The following BEND6 variants were observed in gnomAD, a reference collection of about 807,000 sequenced individuals.
BEND6 encodes the protein BEN domain containing 6, also known as BEN domain-containing protein 6.
BEND6 carries 24 observed loss-of-function variants against 31.8 expected under a neutral mutation model. The ratio of observed to expected loss-of-function variants is 0.75; its 90% CI spans 0.55 to 1.06. The LOEUF is 1.06. Among genes scored for constraint, BEND6 ranks in the 50% least tolerant of loss-of-function variants. The pLI, the probability that BEND6 is intolerant of heterozygous loss-of-function variation, is 0.00. For synonymous variants in BEND6, 109 were observed against 114.6 expected, an observed-to-expected ratio of 0.95 and a Z score of 0.31; for missense variants, 294 against 327.4, an observed-to-expected ratio of 0.90 and a Z score of 0.79.
intron 1 of BEND6, among the ~76,000 whole-genome samples, chr6:56,978,902 C>G (rs1825977628): frequency 6.6e-6 from 1 of 152,126 alleles, no homozygotes; most frequent in Non-Finnish European, 1.5e-5. Context: ...AAATTATATA[C>G]AAGACAAGCA....
At chr6:56,963,552 A>G (rs1206300086) in intron 1 of BEND6, among the ~76,000 whole-genome samples, 1 of 152,144 alleles carries the variant, frequency 6.6e-6, no homozygotes, top group Non-Finnish European at 1.5e-5. Context: ...GCTCCATGGG[A>G]GACCACCTGG....
intron 2 of BEND6, among the ~76,000 whole-genome samples, chr6:56,991,114 T>C (rs1387516994): frequency 6.6e-6 from 1 of 152,146 alleles, no homozygotes; most frequent in South Asian, 2.1e-4. Context: ...ATTGAAAAAA[T>C]TGCAAACATT....
chr6:57,003,512 G>GCAA (rs371966915), intron 3 of BEND6, among the ~76,000 whole-genome samples: 8,705 of 146,604 alleles, frequency 0.059, 387 homozygotes, highest in African/African-American at 0.13. Context: ...AAAACAAACA[G>GCAA]CAACAACAAC....
chr6:56,974,052 C>G (rs1490484566), intron 1 of BEND6, among the ~76,000 whole-genome samples: 2 of 152,208 alleles, frequency 1.3e-5, no homozygotes, highest in African/African-American at 4.8e-5. Flanking sequence ...TGCACCCGGC[C>G]TAAACTTACA....
rs530404372 is a variant in BEND6 at position 56,963,302 on chromosome 6, C to G, written c.-101+7842C>G. The stretch of plus-strand genomic sequence containing the variant: ...CCAACCCGACACTCCAGCAGAACGT[C>G]AGATGTTTCCTTGTACACAAGAGAT... On this transcript the variant is annotated intron_variant, in intron 1 of 6. Coordinates refer to ENST00000370746, the MANE Select transcript of BEND6 (RefSeq NM_152731.3). Among the ~76,000 whole-genome samples the G allele has an allele frequency of 2.9e-3, 443 of 152,220 alleles. 2 individuals are homozygous for G. Among genetic ancestry groups the G allele is most frequent in the Non-Finnish European group, 3.6e-3 (246 of 68,032 alleles).
intron 3 of BEND6, among the ~76,000 whole-genome samples, chr6:57,004,090 A>G (rs1827056997): frequency 6.6e-6 from 1 of 152,200 alleles, no homozygotes. Flanking sequence ...AGGTAAAACC[A>G]GAAGCATTGC....
intron 3 of BEND6, among the ~76,000 whole-genome samples, chr6:56,998,459 G>A (rs1428442895): frequency 2.0e-5 from 3 of 152,058 alleles, no homozygotes; most frequent in African/African-American, 7.2e-5. Flanking sequence ...AATAGGATGT[G>A]AAAGAAAATA....
At chr6:57,007,177 T>C (rs945885051) in intron 3 of BEND6, among the ~76,000 whole-genome samples, 8 of 151,832 alleles carry the variant, frequency 5.3e-5, no homozygotes, top group African/African-American at 1.9e-4. Flanking sequence ...TGGTCTCAAC[T>C]ACTCAGGAGG....
intron 3 of BEND6, among the ~76,000 whole-genome samples, chr6:57,005,708 A>G (rs1259361947): frequency 6.6e-6 from 1 of 152,044 alleles, no homozygotes; most frequent in African/African-American, 2.4e-5. Context: ...ACTTGTTACA[A>G]ATGGGAAGAG....
intron 1 of BEND6, among the ~76,000 whole-genome samples, chr6:56,967,329 T>C (rs1172942195): frequency 6.6e-6 from 1 of 152,086 alleles, no homozygotes; most frequent in Non-Finnish European, 1.5e-5. Flanking sequence ...ATAGTGGAAA[T>C]GTTACCAGCC....
chr6:57,016,526 C>G (rs902300473), intron 4 of BEND6, among the ~76,000 whole-genome samples: 18 of 152,088 alleles, frequency 1.2e-4, no homozygotes, highest in African/African-American at 4.3e-4. Flanking sequence ...ACTGAATTCC[C>G]CATTTTCTTG....
In BEND6 at chr6:56,978,326, G is replaced by GTT. The variant is rs199740027; in HGVS notation, c.-100-3378_-100-3377dup. ...TAAAATATACAATTAAATGTGGAGG[G>GTT]TTTTTTTTGTATACTCACAGTATTT... is the stretch of plus-strand genomic sequence containing the variant. On this transcript the variant is annotated intron_variant, in intron 1 of 6. Transcript: ENST00000370746. Among the ~76,000 whole-genome samples, 3 of 151,372 alleles carry GTT rather than the reference G, an allele frequency of 2.0e-5. No homozygotes were observed. The East Asian group carries it at 5.8e-4, about 29-fold the overall frequency.
intron 1 of BEND6, among the ~76,000 whole-genome samples, chr6:56,962,680 G>A (rs552922310): frequency 2.6e-5 from 4 of 152,284 alleles, no homozygotes; most frequent in Middle Eastern, 3.4e-3. Flanking sequence ...AGAAGATATT[G>A]CAGGATTGTA....
chr6:56,987,918 A>G (rs1339151534), intron 2 of BEND6, among the ~76,000 whole-genome samples: 2 of 151,994 alleles, frequency 1.3e-5, no homozygotes, highest in African/African-American at 2.4e-5. Flanking sequence ...GAATGTTACA[A>G]CTTATAAGCA....
intron 3 of BEND6, among the ~76,000 whole-genome samples, chr6:57,012,671 A>G (rs1192726734): frequency 6.6e-6 from 1 of 152,222 alleles, no homozygotes; most frequent in African/African-American, 2.4e-5. Context: ...GGAAAAAAAG[A>G]GCCTTGATAC....
intron 2 of BEND6, among the ~76,000 whole-genome samples, chr6:56,984,959 C>T (rs575681816): frequency 2.0e-5 from 3 of 152,320 alleles, no homozygotes; most frequent in African/African-American, 7.2e-5. Context: ...TATTACTGGA[C>T]TCTCAGTTAA....
At chr6:57,004,107 G>T (rs1338489088) in intron 3 of BEND6, among the ~76,000 whole-genome samples, 1 of 152,120 alleles carries the variant, frequency 6.6e-6, no homozygotes, top group Non-Finnish European at 1.5e-5. Context: ...TTGCTCTCGA[G>T]AACTGGGACA....
intron 1 of BEND6, among the ~76,000 whole-genome samples, chr6:56,956,237 T>A (rs1242365633): frequency 6.6e-6 from 1 of 152,252 alleles, no homozygotes; most frequent in Non-Finnish European, 1.5e-5. Context: ...TATTAGCCTC[T>A]TTTTTGGAAT....
Position 56,975,945 on chromosome 6 carries a change from C to G in BEND6, c.-100-5766C>G, listed in dbSNP as rs1369987973. On this transcript the variant is annotated intron_variant, in intron 1 of 6. Transcript: ENST00000370746. ...GTGGTGAGGAAGTAAGACACCAGCA[C>G]CAGAGCATACACAGTCATGGTCGAC... is the stretch of plus-strand genomic sequence containing the variant. The G allele has an allele frequency of 5.7e-6, 3 of 530,426 alleles. No homozygotes were observed. The African/African-American group carries it at 5.8e-5, about 10-fold the overall frequency. The allele number at this position is 530,426 out of a possible 1,614,324, so 32.9% of individuals were successfully genotyped here. A position where few individuals can be genotyped will look rare whatever the true frequency, so the allele number is the denominator to read the frequency against.
Sources: allele counts gnomAD v4.1 joint callset (sites outside exome capture counted in the v4.1 genomes callset), GRCh38; gene constraint gnomAD v4.1.1; transcripts MANE v1.5; gene names NCBI Gene and HGNC (gene_info 2026-07-23, HGNC 2026-07-21).